The following USP1 variants were observed in gnomAD, a reference collection of about 807,000 sequenced individuals.
USP1 encodes ubiquitin specific peptidase 1.
A neutral mutation model predicts 72.2 loss-of-function variants in USP1; 18 were observed. The ratio of observed to expected loss-of-function variants is 0.25; its 90% CI spans 0.17 to 0.37. USP1 has a LOEUF of 0.37. Among genes scored for constraint, USP1 ranks in the 10% least tolerant of loss-of-function variants. The pLI, the probability that USP1 is intolerant of heterozygous loss-of-function variation, is 1.00. For missense variants in USP1, 759 were observed against 884.9 expected, an observed-to-expected ratio of 0.86 and a Z score of 1.81; for synonymous variants, 354 against 303.7, an observed-to-expected ratio of 1.17 and a Z score of -1.72.
In USP1 at chr1:62,447,517, C is replaced by T. The variant is rs201446355; in HGVS notation, c.1420+6C>T. ...AGTAGAGGAGAGTTCTGAAAGTAAG[C>T]AAAATTGGAGTCTTGTGTGGACCAT... On this transcript the variant is annotated splice_donor_region_variant and intron_variant, in intron 7 of 8. Transcript: ENST00000339950. The T allele has an allele frequency of 5.8e-5, 94 of 1,608,362 alleles. No individual in the cohort carries two copies. The highest frequency in any genetic ancestry group is 1.0e-5 in the Non-Finnish European group (12 of 1,178,316).
Position 62,439,945 on chromosome 1 carries a change from G to A in USP1, c.78G>A (p.Lys26=). ...SPSKKNRLSL[K]FFQKKETKRA... ...CAAAGAAAAACAGACTTTCCTTAAA[G>A]TTTTTTCAGAAAAAGGAAACTAAGA... The change falls in exon 2 of 9, where the codon AAG becomes AAA. Residue 26 remains lysine (K), a synonymous_variant. Transcript: ENST00000339950. 6.4e-7 allele frequency: 1 copy of A among 1,566,880 alleles called. No homozygotes were observed. Among genetic ancestry groups the A allele is most frequent in the Non-Finnish European group, 8.6e-7 (1 of 1,161,492 alleles).
At chr1:62,442,159 T>G (rs1220658462) in intron 3 of USP1, 36 bp from the exon 4 acceptor site, 6 of 1,366,318 alleles carry the variant, frequency 4.4e-6, no homozygotes, top group Non-Finnish European at 6.2e-6. Flanking sequence ...GTATTGTTTG[T>G]TCAGTAAACA....
chr1:62,446,105 A>G (rs1160861944), intron 6 of USP1, among the ~76,000 whole-genome samples: 2 of 152,246 alleles, frequency 1.3e-5, no homozygotes, highest in East Asian at 1.9e-4. Context: ...GTGAAATTTT[A>G]AAAGTAAAGA....
At chr1:62,449,122 A>C (rs1645196239) in intron 8 of USP1, among the ~76,000 whole-genome samples, 1 of 152,072 alleles carries the variant, frequency 6.6e-6, no homozygotes, top group Non-Finnish European at 1.5e-5. Flanking sequence ...GGACTCAAGC[A>C]ATCCACCTGC....
chr1:62,446,818 T>A (rs767841153), intron 6 of USP1, among the ~76,000 whole-genome samples: 6 of 152,082 alleles, frequency 3.9e-5, no homozygotes, highest in Non-Finnish European at 8.8e-5. Flanking sequence ...TTTTTTATTT[T>A]TTTTATTTTT....
At chr1:62,439,776 G>C in intron 1 of USP1, 23 bp from the exon 2 acceptor site, 1 of 1,174,980 alleles carries the variant, frequency 8.5e-7, no homozygotes, top group South Asian at 3.5e-5. Flanking sequence ...AAAAACTAAT[G>C]AAACTTTCTC....
Position 62,451,191 on chromosome 1 carries a change from A to C in USP1, c.*210A>C, listed in dbSNP as rs1184764549. 1 of 436,506 alleles carries C rather than the reference A, an allele frequency of 2.3e-6. No individual in the cohort carries two copies. The highest frequency in any genetic ancestry group is 4.1e-5 in the Admixed American group (1 of 24,434). 27.0% of individuals were successfully genotyped at this position (436,506 alleles called of 1,614,324 possible). ...CCTCAGTAGAGACTAGTGATGCATT[A>C]GCTTCTGGGAACAAACTTGTATCGG... On this transcript the variant is annotated 3_prime_UTR_variant, in exon 9 of 9. Coordinates refer to ENST00000339950, the MANE Select transcript of USP1 (RefSeq NM_003368.5).
intron 8 of USP1, among the ~76,000 whole-genome samples, chr1:62,449,587 C>T (rs1645199370): frequency 6.6e-6 from 1 of 151,916 alleles, no homozygotes; most frequent in Non-Finnish European, 1.5e-5. Context: ...ATTTACTTTC[C>T]CAAATTTTGG....
At chr1:62,449,983 C>T (rs781484737) in intron 8 of USP1, among the ~76,000 whole-genome samples, 87 of 151,342 alleles carry the variant, frequency 5.7e-4, no homozygotes, top group Admixed American at 2.3e-3. Context: ...TTCTTAACTG[C>T]ACAAAATTAG....
chr1:62,438,542 G>A (rs1645108694), intron 1 of USP1, among the ~76,000 whole-genome samples: 2 of 152,192 alleles, frequency 1.3e-5, no homozygotes, highest in South Asian at 4.1e-4. Flanking sequence ...AGTGAGTCTT[G>A]TGTAGTTCAT....
Position 62,448,674 on chromosome 1 carries a change from T to TTGTAAATA in USP1, c.1622+9_1622+16dup. ...TGCTGCTAGTGGTTTGGAGTAAGTA[T>TTGTAAATA]TGTAAATAAGAACTATATGAAGAAA... On this transcript the variant is annotated intron_variant, in intron 8 of 8. Transcript: ENST00000339950. 1 of 1,611,210 alleles carries TTGTAAATA rather than the reference T, an allele frequency of 6.2e-7. No homozygotes were observed. Among genetic ancestry groups the TTGTAAATA allele is most frequent in the Non-Finnish European group, 8.5e-7 (1 of 1,179,188 alleles).
rs1416709358 is a variant in USP1 at position 62,445,204 on chromosome 1, T to C, written c.1024T>C (p.Leu342=). The C allele has an allele frequency of 4.3e-6, 7 of 1,611,842 alleles. No individual in the cohort carries two copies. Among genetic ancestry groups the C allele is most frequent in the African/African-American group, 1.3e-5 (1 of 74,734 alleles). Residue 342 remains leucine, a synonymous_variant, in exon 6 of 9, where the codon TTA becomes CTA. Transcript: ENST00000339950. Reference sequence around the variant, plus strand: ...GAAATCAAGAGTTAAAATAAATTGGTTAAAGTCTGCAACTAAGCAACCCAG... The same window carrying C: ...GAAATCAAGAGTTAAAATAAATTGGCTAAAGTCTGCAACTAAGCAACCCAG... ...QKKSRVKINW[L]KSATKQPSIL...
Position 62,448,540 on chromosome 1 carries a change from T to C in USP1, c.1496T>C (p.Val499Ala). The C allele has an allele frequency of 6.2e-7, 1 of 1,613,938 alleles. No homozygotes were observed. Among genetic ancestry groups the C allele is most frequent in the Non-Finnish European group, 8.5e-7 (1 of 1,179,928 alleles). The change falls in exon 8 of 9, where the codon GTA becomes GCA. Residue 499 changes from valine (V) to alanine (A), a missense_variant. Coordinates refer to ENST00000339950, the MANE Select transcript of USP1 (RefSeq NM_003368.5). ...CAATTTGCTTCAGTAGAAAGGATTG[T>C]AGGAGAAGATAAATATTTCTGTGAA... ...ISQFASVERI[V>A]GEDKYFCENC... is the part of the protein sequence containing the mutation.
intron 2 of USP1, among the ~76,000 whole-genome samples, chr1:62,441,013 T>TA: frequency 6.8e-6 from 1 of 146,388 alleles, no homozygotes; most frequent in East Asian, 2.0e-4. Flanking sequence ...AGCTACATAT[T>TA]TTTTTTTTTT....
intron 8 of USP1, 90 bp from the exon 9 acceptor site, chr1:62,450,156 T>C: frequency 6.7e-7 from 1 of 1,486,800 alleles, no homozygotes. Flanking sequence ...TAAGGGTTCA[T>C]TCAGATTTTT....
intron 1 of USP1, among the ~76,000 whole-genome samples, chr1:62,438,634 A>G (rs1036557380): frequency 2.0e-5 from 3 of 152,218 alleles, no homozygotes; most frequent in African/African-American, 4.8e-5. Flanking sequence ...CTCTAGTCAG[A>G]TAATTTTTCC....
chr1:62,451,739 T>A lies in USP1; in HGVS notation c.*758T>A, dbSNP rs2149209295. On this transcript the variant is annotated 3_prime_UTR_variant, in exon 9 of 9. Transcript: ENST00000339950. The stretch of plus-strand genomic sequence containing the variant: ...ATAAAATTTAAACTGCTTAACTATG[T>A]ATATGAATATTTGAATTTTTTACTT... The A allele has an allele frequency of 6.5e-6, 1 of 152,726 alleles. No individual in the cohort carries two copies. The allele number at this position is 152,726 out of a possible 1,614,324, so 9.5% of individuals were successfully genotyped here.
chr1:62,445,035 A>G lies in USP1; in HGVS notation c.855A>G (p.Lys285=), dbSNP rs1645160699. The G allele has an allele frequency of 6.2e-7, 1 of 1,613,072 alleles. No individual in the cohort carries two copies. The highest frequency in any genetic ancestry group is 8.5e-7 in the Non-Finnish European group (1 of 1,179,808). The change falls in exon 6 of 9, where the codon AAA becomes AAG. Residue 285 remains lysine (K), a synonymous_variant. Transcript: ENST00000339950. ...TTGGTAACATGAAGAAAAAAGTTAA[A>G]TTATCCAAGGAACACCAGTCATTGG... ...TEFGNMKKKV[K]LSKEHQSLEE... is the part of the protein sequence containing the mutation.
In USP1 at chr1:62,450,920, C is replaced by A; in HGVS notation, c.2297C>A (p.Ser766Tyr). ...KVTEEKDFLN[S>Y]LSPSTSPTST... ...ACTGAAGAGAAGGACTTTCTGAATT[C>A]TCTTTCCCCTTCTACATCTCCTACT... The change falls in exon 9 of 9, where the codon TCT becomes TAT. Residue 766 changes from serine (S) to tyrosine (Y), a missense_variant. Physicochemically the swap from Ser to Tyr is moderately radical, Grantham distance 144. This residue lies in a region of USP1 where 22 missense variants were observed against 23.4 expected (regional missense o/e 0.94). Transcript: ENST00000339950. 1 of 1,612,858 alleles carries A rather than the reference C, an allele frequency of 6.2e-7. No individual in the cohort carries two copies. Among genetic ancestry groups the A allele is most frequent in the Non-Finnish European group, 8.5e-7 (1 of 1,179,664 alleles).
Sources: gnomAD v4.1 joint callset for allele counts (sites outside exome capture counted in the v4.1 genomes callset) on GRCh38, gnomAD v4.1.1 for gene constraint, gnomAD v4.1.1 regional missense constraint, MANE v1.5 for transcripts, NCBI Gene and HGNC (gene_info 2026-07-23, HGNC 2026-07-21) for gene names.